The following TXNDC8 variants were observed in gnomAD, a reference collection of about 807,000 sequenced individuals.
The protein encoded by TXNDC8 is thioredoxin domain containing 8, also known as thioredoxin domain-containing protein 8.
TXNDC8 carries 15 observed loss-of-function variants against 12.9 expected under a neutral mutation model. The observed-to-expected ratio is 1.16, with a 90% confidence interval of 0.78 to 1.79. The LOEUF (loss-of-function observed/expected upper bound fraction) is 1.79. Ranked by LOEUF, TXNDC8 falls within the 40% of genes most tolerant of loss-of-function variation. The probability of loss-of-function intolerance (pLI) is 0.00; values close to 1 mark genes in which losing one functional copy is unlikely to be tolerated. For missense variants in TXNDC8, 128 were observed against 113.2 expected (o/e 1.13, Z -0.59); for synonymous variants, 40 against 35.4 (o/e 1.13, Z -0.46).
intron 3 of TXNDC8, among the ~76,000 whole-genome samples, chr9:110,322,237 A>T (rs934119952): frequency 1.3e-5 from 2 of 151,992 alleles, no homozygotes; most frequent in Admixed American, 6.6e-5. Context: ...ATATTCAATG[A>T]TAAATTGAAT....
chr9:110,311,557 A>ATATT (rs1554702019), intron 3 of TXNDC8, among the ~76,000 whole-genome samples: 94 of 125,936 alleles, frequency 7.5e-4, no homozygotes, highest in Non-Finnish European at 1.3e-3. Context: ...ATATATATAT[A>ATATT]TCTCCATACT....
chr9:110,329,629 C>T (rs577712789), intron 2 of TXNDC8, among the ~76,000 whole-genome samples: 20 of 152,274 alleles, frequency 1.3e-4, no homozygotes, highest in Admixed American at 1.1e-3. Flanking sequence ...TAGCTTTCTC[C>T]TGGGAGAGCA....
Position 110,318,890 on chromosome 9 carries a change from C to T in TXNDC8, c.195+7285G>A, listed in dbSNP as rs1008978701. On this transcript the variant is annotated intron_variant, in intron 3 of 4. Transcript: ENST00000423740. ...ATTTAAATAAAGGTAAGATTTAATC[C>T]TGCACTTGTCATATCCTGACTTGCT... Among the ~76,000 whole-genome samples the T allele has an allele frequency of 2.6e-5, 4 of 152,148 alleles. No homozygotes were observed. The East Asian group carries it at 7.7e-4, about 29-fold the overall frequency.
chr9:110,327,144 C>G (rs1423019124), intron 2 of TXNDC8, among the ~76,000 whole-genome samples: 1 of 152,158 alleles, frequency 6.6e-6, no homozygotes, highest in South Asian at 2.1e-4. Context: ...AATCAGAGCT[C>G]TCATCCATTG....
intron 3 of TXNDC8, among the ~76,000 whole-genome samples, chr9:110,320,049 C>A (rs1839032072): frequency 6.6e-6 from 1 of 152,146 alleles, no homozygotes; most frequent in South Asian, 2.1e-4. Context: ...TATGAGTGAA[C>A]CTAAGTGCTT....
intron 2 of TXNDC8, among the ~76,000 whole-genome samples, chr9:110,331,855 TGTGTGG>T (rs1288053480): frequency 6.6e-6 from 1 of 152,212 alleles, no homozygotes; most frequent in African/African-American, 2.4e-5. Flanking sequence ...CACCTCCTGC[TGTGTGG>T]CCAGTTCCGA....
At chr9:110,303,452 A>G, downstream of TXNDC8, 2 of 1,479,138 alleles carry the variant, frequency 1.4e-6, no homozygotes, top group Non-Finnish European at 1.8e-6. Context: ...TTTGCTGGAA[A>G]TGAAAGCACA....
intron 3 of TXNDC8, among the ~76,000 whole-genome samples, 179 bp downstream of exon 4, chr9:110,325,996 A>G (rs1003096420): frequency 7.9e-5 from 12 of 152,194 alleles, no homozygotes; most frequent in Non-Finnish European, 1.6e-4. Context: ...AACCCTTTGT[A>G]AAGTTGTATG....
At chr9:110,325,861 C>T (rs1249530375) in intron 3 of TXNDC8, among the ~76,000 whole-genome samples, 3 of 152,138 alleles carry the variant, frequency 2.0e-5, no homozygotes, top group Admixed American at 2.0e-4. Flanking sequence ...GAATGTCTTT[C>T]TCTGAAAAGA....
At position 110,326,221 on chromosome 9, in the gene TXNDC8, T is replaced by G; in HGVS notation, c.149A>C (p.His50Pro). ...CTGAAATGTGGGTATTGTTTTGATG[T>G]GACAAGTTTCAGCCAGCTCCTGGGA... The change falls in exon 3 of 5, where the codon CAC becomes CCC. Residue 50 changes from histidine to proline, a missense_variant. Physicochemically the swap from His to Pro is moderately conservative, Grantham distance 77. Coordinates refer to ENST00000423740, the MANE Select transcript of TXNDC8 (RefSeq NM_001286946.2). 6.2e-7 allele frequency: 1 copy of G among 1,614,054 alleles called. No individual in the cohort carries two copies. The highest frequency in any genetic ancestry group is 8.5e-7 in the Non-Finnish European group (1 of 1,179,966).
intron 3 of TXNDC8, among the ~76,000 whole-genome samples, chr9:110,305,011 G>A (rs1470752483): frequency 6.6e-6 from 1 of 151,902 alleles, no homozygotes; most frequent in African/African-American, 2.4e-5. Flanking sequence ...AGCCAGGCGT[G>A]GTGGTGTGCA....
rs751967022 is a variant in TXNDC8 at position 110,303,680 on chromosome 9, T to C, written c.*2A>G. On this transcript the variant is annotated 3_prime_UTR_variant, in exon 5 of 5. Transcript: ENST00000423740. ...TTTTATTCCTGATTGAAAAGTTAAA[T>C]CCTACTCATTTCCATCATCTGCAAG... 18 of 1,601,380 alleles carry C rather than the reference T, an allele frequency of 1.1e-5. No homozygotes were observed. The highest frequency in any genetic ancestry group is 1.5e-5 in the Non-Finnish European group (18 of 1,172,670).
rs908876368 is a variant in TXNDC8, at chr9:110,305,139, T to A, written c.196-607A>T. Among the ~76,000 whole-genome samples the A allele has an allele frequency of 6.3e-5, 8 of 127,372 alleles. No individual in the cohort carries two copies. In the Admixed American group the frequency reaches 6.3e-4, roughly 10 times the overall value. 83.6% of individuals were successfully genotyped at this position (127,372 alleles called of 152,430 possible). A position where few individuals can be genotyped will look rare whatever the true frequency, so the allele number is the denominator to read the frequency against. ...TTCCAGCCTGGGTGACAGAGAGAGA[T>A]TCTGTCTCAAAAAAAAAAAAAAAAA... On this transcript the variant is annotated intron_variant, in intron 3 of 4. Coordinates refer to ENST00000423740, the MANE Select transcript of TXNDC8 (RefSeq NM_001286946.2).
intron 2 of TXNDC8, among the ~76,000 whole-genome samples, chr9:110,333,933 T>G (rs1406531736): frequency 6.6e-6 from 1 of 152,216 alleles, no homozygotes; most frequent in African/African-American, 2.4e-5. Flanking sequence ...AAAATGTCAT[T>G]GCTATAATAT....
At chr9:110,304,277 G>A (rs1838340971) in intron 4 of TXNDC8, among the ~76,000 whole-genome samples, 190 bp downstream of exon 5, 1 of 152,184 alleles carries the variant, frequency 6.6e-6, no homozygotes, top group Non-Finnish European at 1.5e-5. Flanking sequence ...ATGGTGTTAG[G>A]ACTTTGGGGC....
At chr9:110,332,692 C>A (rs1839591114) in intron 2 of TXNDC8, among the ~76,000 whole-genome samples, 1 of 151,740 alleles carries the variant, frequency 6.6e-6, no homozygotes, top group African/African-American at 2.4e-5. Flanking sequence ...GTATGTTATA[C>A]CAAAAATAAA....
chr9:110,326,135 A>C, intron 3 of TXNDC8, 40 bp downstream of exon 4: 1 of 1,610,396 alleles, frequency 6.2e-7, no homozygotes, highest in Non-Finnish European at 8.5e-7. Context: ...TGATGGTTCT[A>C]TAATCTAATT....
At chr9:110,310,047 A>T (rs1342515611) in intron 3 of TXNDC8, among the ~76,000 whole-genome samples, 1 of 152,200 alleles carries the variant, frequency 6.6e-6, no homozygotes, top group East Asian at 1.9e-4. Context: ...CTCCCCTTTC[A>T]AGCACTCCAT....
chr9:110,337,810 A>C lies in TXNDC8; in HGVS notation c.-14T>G. On this transcript the variant is annotated 5_prime_UTR_variant, in exon 1 of 5. Transcript: ENST00000423740. ...AATCTGTACCATGATTACACCAGGG[A>C]AGTGCTGATGAAAATCCCCTGTTGG... 1 of 1,613,744 alleles carries C rather than the reference A, an allele frequency of 6.2e-7. No individual in the cohort carries two copies. The highest frequency in any genetic ancestry group is 8.5e-7 in the Non-Finnish European group (1 of 1,179,792).
Sources: gnomAD v4.1 joint callset for allele counts (sites outside exome capture counted in the v4.1 genomes callset) on GRCh38, gnomAD v4.1.1 for gene constraint, MANE v1.5 for transcripts, NCBI Gene and HGNC (gene_info 2026-07-23, HGNC 2026-07-21) for gene names.